Variants in TCEA2 observed in about 807,000 individuals in gnomAD.
TCEA2 encodes transcription elongation factor A protein 2.
Under a neutral mutation model 40.8 loss-of-function variants are expected in TCEA2, and 21 were observed. That is an observed-to-expected ratio of 0.51 (90% CI 0.36 to 0.74). TCEA2 has a LOEUF of 0.74. Among genes scored for constraint, TCEA2 ranks in the 30% least tolerant of loss-of-function variants. The pLI is 0.00. For missense variants in TCEA2, 326 were observed against 426.5 expected, an observed-to-expected ratio of 0.76 and a Z score of 2.08; for synonymous variants, 165 against 162.7, an observed-to-expected ratio of 1.01 and a Z score of -0.11.
At position 64,070,368 on chromosome 20, in the gene TCEA2, T is replaced by G; in HGVS notation, c.626T>G (p.Leu209Arg). ...AACCCTGACCTGCGGCGGAATGTGC[T>G]GTGTGGGGCCATAACACCCCAGCAG... ...AKNPDLRRNV[L>R]CGAITPQQIA... The change falls in exon 7 of 10, where the codon CTG becomes CGG. Residue 209 changes from leucine to arginine, a missense_variant. Coordinates refer to ENST00000343484, the MANE Select transcript of TCEA2 (RefSeq NM_003195.6). The G allele has an allele frequency of 6.2e-7, 1 of 1,614,188 alleles. No homozygotes were observed. Among genetic ancestry groups the G allele is most frequent in the Non-Finnish European group, 8.5e-7 (1 of 1,180,024 alleles).
chr20:64,061,399 C>T (rs561984915), upstream of TCEA2, among the ~76,000 whole-genome samples: 76 of 151,600 alleles, frequency 5.0e-4, no homozygotes, highest in South Asian at 0.015. Flanking sequence ...CCTCAGCCTG[C>T]GGAGTAGCTG....
At chr20:64,062,192 C>T (rs888682835), upstream of TCEA2, among the ~76,000 whole-genome samples, 2 of 152,208 alleles carry the variant, frequency 1.3e-5, no homozygotes, top group Admixed American at 6.5e-5. Flanking sequence ...ACTACAGGCT[C>T]CTTGATCCAC....
At chr20:64,070,216 G>C (rs1487318134) in intron 6 of TCEA2, 44 bp from the exon 7 acceptor site, 1 of 1,605,458 alleles carries the variant, frequency 6.2e-7, no homozygotes, top group East Asian at 2.2e-5. Context: ...GGTAGGTGGA[G>C]GGCAGCGACG....
chr20:64,069,872 G>A (rs1356010700), intron 6 of TCEA2, 51 bp downstream of exon 6: 1 of 1,600,808 alleles, frequency 6.2e-7, no homozygotes, highest in Non-Finnish European at 8.5e-7. Flanking sequence ...GAGTCAGGAG[G>A]CTGCCTGGCC....
chr20:64,060,799 T>C (rs1451612938), upstream of TCEA2, among the ~76,000 whole-genome samples: 2 of 143,378 alleles, frequency 1.4e-5, no homozygotes, highest in African/African-American at 2.6e-5. Context: ...ATGATTGAGC[T>C]TTTTTTTTTT....
upstream of TCEA2, among the ~76,000 whole-genome samples, chr20:64,060,802 T>G (rs908596087): frequency 1.9e-4 from 29 of 152,300 alleles, no homozygotes; most frequent in African/African-American, 7.0e-4. Flanking sequence ...ATTGAGCTTT[T>G]TTTTTTTGCG....
upstream of TCEA2, among the ~76,000 whole-genome samples, chr20:64,060,858 C>T (rs1020684449): frequency 1.3e-5 from 2 of 151,146 alleles, no homozygotes; most frequent in African/African-American, 4.9e-5. Flanking sequence ...GGCATGATCT[C>T]GGCTCACTGC....
At chr20:64,063,144 A>C, upstream of TCEA2, 6 of 424,178 alleles carry the variant, frequency 1.4e-5, no homozygotes, top group Non-Finnish European at 2.2e-5. Flanking sequence ...TACGCATCCT[A>C]GGATGCCGCG....
upstream of TCEA2, among the ~76,000 whole-genome samples, chr20:64,060,815 G>A (rs1034957661): frequency 7.9e-5 from 12 of 150,972 alleles, no homozygotes; most frequent in East Asian, 1.9e-4. Flanking sequence ...TTTTTGCGAC[G>A]AGTCTCACTC....
Position 64,058,072 on chromosome 20 carries a change from A to G in TCEA2, c.-84+421A>G, listed in dbSNP as rs1220970550. ...GATGGGCCTACACCTCTCCGCCTGC[A>G]GTAGTTGCTTCCACGCAGGACTAGA... On this transcript the variant is annotated intron_variant, in intron 1 of 10. Transcript: ENST00000361317. The surrounding 1 kb of genome is among the most constrained non-coding windows in gnomAD (Gnocchi z 6.7). 6.6e-5 allele frequency among the ~76,000 whole-genome samples: 10 copies of G among 152,330 alleles called. No homozygotes were observed. Among genetic ancestry groups the G allele is most frequent in the South Asian group, 4.1e-4 (2 of 4,822 alleles).
upstream of TCEA2, chr20:64,062,465 G>T (rs1274691631): frequency 1.3e-5 from 2 of 152,274 alleles, no homozygotes; most frequent in African/African-American, 2.4e-5. Context: ...CATCTTGACG[G>T]GAGCCCTGTG....
intron 8 of TCEA2, 142 bp downstream of exon 8, chr20:64,070,777 G>C: frequency 8.1e-7 from 1 of 1,229,434 alleles, no homozygotes; most frequent in African/African-American, 1.5e-5. Flanking sequence ...AGGCATGATG[G>C]CCACCTTCAG....
At chr20:64,066,660 C>T (rs548517152) in intron 2 of TCEA2, 122 bp downstream of exon 2, 188 of 1,150,028 alleles carry the variant, frequency 1.6e-4, no homozygotes, top group South Asian at 1.2e-3. Flanking sequence ...GGCACAAATG[C>T]CTGTTCCTGA....
intron 4 of TCEA2, among the ~76,000 whole-genome samples, chr20:64,068,745 C>T (rs192511343): frequency 6.6e-6 from 1 of 152,390 alleles, no homozygotes; most frequent in Admixed American, 6.5e-5. Flanking sequence ...CAGGAAGCTG[C>T]CTGCTTCTGC....
intron 1 of TCEA2, 118 bp downstream of exon 1, chr20:64,063,502 G>A (rs1415818030): frequency 1.7e-6 from 2 of 1,190,634 alleles, no homozygotes; most frequent in Admixed American, 2.1e-5. Context: ...ACCCCTCCCC[G>A]GCAGAGACTA....
chr20:64,072,301 C>A lies in TCEA2; in HGVS notation c.*121C>A, dbSNP rs995740587. On this transcript the variant is annotated 3_prime_UTR_variant, in exon 10 of 10. Coordinates refer to ENST00000343484, the MANE Select transcript of TCEA2 (RefSeq NM_003195.6). ...GCCCTCAACCTGCCTGCCTGGATTG[C>A]ACCTTTCTGCCCTTTCCCCCTCATT... 1.5e-5 allele frequency: 16 copies of A among 1,079,062 alleles called. No individual in the cohort carries two copies. The highest frequency in any genetic ancestry group is 2.0e-5 in the Non-Finnish European group (15 of 732,128). 66.8% of individuals were successfully genotyped at this position (1,079,062 alleles called of 1,614,324 possible). A position where few individuals can be genotyped will look rare whatever the true frequency, so the allele number is the denominator to read the frequency against.
intron 1 of TCEA2, chr20:64,065,645 G>C (rs2059675464): frequency 6.6e-6 from 1 of 152,304 alleles, no homozygotes. Flanking sequence ...GAGTTGCCGG[G>C]CCTGGTGTGG....
At position 64,071,858 on chromosome 20, in the gene TCEA2, C is replaced by A. The variant is rs779151747; in HGVS notation, c.820-12C>A. 3 of 1,613,786 alleles carry A rather than the reference C, an allele frequency of 1.9e-6. No individual in the cohort carries two copies. Among genetic ancestry groups the A allele is most frequent in the Non-Finnish European group, 2.5e-6 (3 of 1,179,928 alleles). ...TGGAGGTGACCCTGGGTTCACCCAG[C>A]CCTGTTCACAGGTGCAGACCCGCAG... On this transcript the variant is annotated splice_polypyrimidine_tract_variant and intron_variant, in intron 8 of 9. Transcript: ENST00000343484.
chr20:64,071,412 A>G (rs1330554354), intron 8 of TCEA2, among the ~76,000 whole-genome samples: 1 of 151,228 alleles, frequency 6.6e-6, no homozygotes, highest in Non-Finnish European at 1.5e-5. Context: ...GGGACTCGTG[A>G]GGGGCTGCAA....
Sources: allele counts gnomAD v4.1 joint callset (sites outside exome capture counted in the v4.1 genomes callset), GRCh38; gene constraint gnomAD v4.1.1; non-coding constraint Gnocchi (gnomAD v3.1); transcripts MANE v1.5; gene names NCBI Gene and HGNC (gene_info 2026-07-23, HGNC 2026-07-21).